GALNT10: variants seen among roughly 807,000 people sequenced by gnomAD.
GALNT10 encodes the protein GalNAc transferase 10.
Under a neutral mutation model 75.0 loss-of-function variants are expected in GALNT10, and 41 were observed. The observed-to-expected ratio is 0.55, with a 90% CI of 0.43 to 0.71. The LOEUF is 0.71. Ranked by LOEUF, GALNT10 falls within the 30% of genes least tolerant of loss-of-function variation. The probability of loss-of-function intolerance (pLI) is 0.00; values close to 1 mark genes in which losing one functional copy is unlikely to be tolerated. For synonymous variants in GALNT10, 302 were observed against 313.0 expected (o/e 0.96, Z 0.37); for missense variants, 727 against 818.5 (o/e 0.89, Z 1.36).
Position 154,209,257 on chromosome 5 carries a change from G to A in GALNT10, c.159+18232G>A, listed in dbSNP as rs1403306008. Among the ~76,000 whole-genome samples, 4 of 152,242 alleles carry A rather than the reference G, an allele frequency of 2.6e-5. No individual in the cohort carries two copies. The East Asian group carries it at 5.8e-4, about 22-fold the overall frequency. ...TGCTGCCTGCCTACTGAACACACCA[G>A]AACCAGGGTGAAAAAAGCCTTTCCT... On this transcript the variant is annotated intron_variant, in intron 1 of 11. Coordinates refer to ENST00000297107, the MANE Select transcript of GALNT10 (RefSeq NM_198321.4).
At chr5:154,234,890 G>A (rs2113664543) in intron 1 of GALNT10, among the ~76,000 whole-genome samples, 1 of 152,362 alleles carries the variant, frequency 6.6e-6, no homozygotes, top group East Asian at 1.9e-4. Flanking sequence ...TACTTTCGAG[G>A]AGGCCTAAGT....
chr5:154,313,803 G>A (rs1358293670), intron 3 of GALNT10, among the ~76,000 whole-genome samples: 1 of 152,152 alleles, frequency 6.6e-6, no homozygotes, highest in Non-Finnish European at 1.5e-5. Flanking sequence ...CAATCAGTAT[G>A]TGTCAGGAGA....
Position 154,329,705 on chromosome 5 carries a change from G to A in GALNT10, c.535G>A (p.Glu179Lys), listed in dbSNP as rs1455800951. The change falls in exon 4 of 12, where the codon GAG (glutamate) becomes AAG (lysine). Residue 179 changes from glutamate (E) to lysine (K), a missense_variant. Transcript: ENST00000297107. ...TCGCTCGCCTCCAGAGCTGGTCGCC[G>A]AGATTGTACTGGTCGACGACTTCAG... Reference protein sequence around the residue: ...LNRSPPELVAEIVLVDDFSDR... With the variant: ...LNRSPPELVAKIVLVDDFSDR... The A allele has an allele frequency of 9.9e-6, 16 of 1,613,608 alleles. No homozygotes were observed. The highest frequency in any genetic ancestry group is 8.0e-5 in the African/African-American group (6 of 74,874).
intron 1 of GALNT10, among the ~76,000 whole-genome samples, chr5:154,263,343 C>G (rs1448431778): frequency 6.6e-6 from 1 of 152,156 alleles, no homozygotes; most frequent in Non-Finnish European, 1.5e-5. Flanking sequence ...CTGATACACA[C>G]TACAACATGG....
chr5:154,356,761 G>T (rs1755303758), intron 4 of GALNT10, among the ~76,000 whole-genome samples: 1 of 152,164 alleles, frequency 6.6e-6, no homozygotes, highest in South Asian at 2.1e-4. Context: ...TCCCTCATTA[G>T]GGAGGAAGGG....
At chr5:154,379,468 C>T (rs1205372122) in intron 5 of GALNT10, among the ~76,000 whole-genome samples, 1 of 152,258 alleles carries the variant, frequency 6.6e-6, no homozygotes, top group African/African-American at 2.4e-5. Flanking sequence ...TGCCCTGGCC[C>T]TACCAGGCTC....
chr5:154,233,671 C>T (rs962828352), intron 1 of GALNT10, among the ~76,000 whole-genome samples: 1 of 152,162 alleles, frequency 6.6e-6, no homozygotes, highest in African/African-American at 2.4e-5. Context: ...TCTTGGCATT[C>T]TGAAACAGTT....
chr5:154,292,705 T>C (rs542182242), intron 1 of GALNT10, among the ~76,000 whole-genome samples: 1 of 152,290 alleles, frequency 6.6e-6, no homozygotes, highest in African/African-American at 2.4e-5. Context: ...AAATTTGATA[T>C]CTATTTATTT....
chr5:154,408,325 C>G (rs3776993), intron 8 of GALNT10, among the ~76,000 whole-genome samples: 4,072 of 152,244 alleles, frequency 0.027, 118 homozygotes, highest in East Asian at 0.14. Context: ...CCCCTTTAAC[C>G]TTTCAGAGGA....
At chr5:154,303,137 A>T (rs1220002434) in intron 3 of GALNT10, among the ~76,000 whole-genome samples, 1 of 152,224 alleles carries the variant, frequency 6.6e-6, no homozygotes, top group Non-Finnish European at 1.5e-5. Flanking sequence ...CAGGCAAAAT[A>T]CATGAAACAC....
chr5:154,292,859 C>G (rs1754215208), intron 1 of GALNT10, among the ~76,000 whole-genome samples: 2 of 152,294 alleles, frequency 1.3e-5, no homozygotes, highest in African/African-American at 4.8e-5. Flanking sequence ...GGGGTCCCCT[C>G]CTGTAGAACT....
chr5:154,387,517 AGTGAAT>A (rs1755824539), intron 7 of GALNT10: 1 of 152,260 alleles, frequency 6.6e-6, no homozygotes, highest in Admixed American at 6.5e-5. Context: ...TGTCAGGCAC[AGTGAAT>A]TAAGGCTTTG....
At chr5:154,254,594 A>C (rs1753579005) in intron 1 of GALNT10, among the ~76,000 whole-genome samples, 1 of 149,962 alleles carries the variant, frequency 6.7e-6, no homozygotes, top group Non-Finnish European at 1.5e-5. Context: ...GGAATTTTTT[A>C]CTGGCATCAA....
chr5:154,198,833 C>T (rs1774984010), intron 1 of GALNT10, among the ~76,000 whole-genome samples: 1 of 152,172 alleles, frequency 6.6e-6, no homozygotes, highest in Non-Finnish European at 1.5e-5. Flanking sequence ...CAGAGGCCCT[C>T]TAGAAGATTT....
At chr5:154,310,054 C>G (rs1754490061) in intron 3 of GALNT10, among the ~76,000 whole-genome samples, 1 of 152,158 alleles carries the variant, frequency 6.6e-6, no homozygotes, top group Non-Finnish European at 1.5e-5. Context: ...GAGAGCGGTA[C>G]CCATAACCTT....
chr5:154,201,177 C>T (rs1352155138), intron 1 of GALNT10, among the ~76,000 whole-genome samples: 1 of 152,066 alleles, frequency 6.6e-6, no homozygotes, highest in Non-Finnish European at 1.5e-5. Flanking sequence ...GGCCAGGCTG[C>T]AGGAGACATT....
rs184583584 is a variant in GALNT10 at position 154,354,607 on chromosome 5, C to T, written c.569-21670C>T. Among the ~76,000 whole-genome samples the T allele has an allele frequency of 4.9e-4, 75 of 152,306 alleles. No individual in the cohort carries two copies. The East Asian group carries it at 0.014, about 28-fold the overall frequency. ...TACTCAGAAAGCCCCATCCCATGCC[C>T]CAGTGTAGTGTGATGTTTCATCTGA... On this transcript the variant is annotated intron_variant, in intron 4 of 11. Transcript: ENST00000297107.
intron 4 of GALNT10, among the ~76,000 whole-genome samples, chr5:154,348,789 G>T (rs916251723): frequency 1.3e-5 from 2 of 152,084 alleles, no homozygotes; most frequent in African/African-American, 4.8e-5. Flanking sequence ...CTCTTCCCTA[G>T]AGTTTAAGAG....
chr5:154,316,991 C>T (rs1754602135), intron 3 of GALNT10, among the ~76,000 whole-genome samples: 1 of 152,164 alleles, frequency 6.6e-6, no homozygotes, highest in South Asian at 2.1e-4. Context: ...GCTACTTATC[C>T]CTCCCCATGG....
Sources: allele counts gnomAD v4.1 joint callset (sites outside exome capture counted in the v4.1 genomes callset), GRCh38; gene constraint gnomAD v4.1.1; transcripts MANE v1.5; gene names NCBI Gene and HGNC (gene_info 2026-07-23, HGNC 2026-07-21).